The following CGGBP1 variants were observed in gnomAD, a reference collection of about 807,000 sequenced individuals.
CGGBP1 encodes the protein CGG triplet repeat-binding protein 1.
Under a neutral mutation model 11.4 loss-of-function variants are expected in CGGBP1, and 4 were observed. That is an observed-to-expected ratio of 0.35 (90% CI 0.17 to 0.80). The LOEUF (loss-of-function observed/expected upper bound fraction) is 0.80. CGGBP1 is among the 30% of genes least tolerant of loss of function. The probability of loss-of-function intolerance (pLI) is 0.52; values close to 1 mark genes in which losing one functional copy is unlikely to be tolerated. For synonymous variants in CGGBP1, 76 were observed against 74.1 expected (o/e 1.03, Z -0.13); for missense variants, 135 against 202.1 (o/e 0.67, Z 2.01).
chr3:88,074,273 C>G (rs555982832), intron 2 of CGGBP1, among the ~76,000 whole-genome samples: 12 of 151,732 alleles, frequency 7.9e-5, no homozygotes, highest in Admixed American at 6.6e-4. Flanking sequence ...TTTTCTTCCT[C>G]TGATTGGGAG....
At chr3:88,130,067 ATTAAAT>A (rs2107838529) in intron 2 of CGGBP1, among the ~76,000 whole-genome samples, 1 of 152,338 alleles carries the variant, frequency 6.6e-6, no homozygotes, top group South Asian at 2.1e-4. Context: ...GTGGTTTGAA[ATTAAAT>A]TTTAATTTGG....
At chr3:88,089,352 G>A (rs1326379701) in intron 2 of CGGBP1, among the ~76,000 whole-genome samples, 5 of 151,742 alleles carry the variant, frequency 3.3e-5, no homozygotes, top group African/African-American at 7.3e-5. Context: ...TTAGCCAGGC[G>A]TGGTGGCAAG....
chr3:88,065,911 T>C (rs1256292302), intron 2 of CGGBP1, among the ~76,000 whole-genome samples: 1 of 152,066 alleles, frequency 6.6e-6, no homozygotes, highest in Non-Finnish European at 1.5e-5. Flanking sequence ...ATTTTTGTAG[T>C]TTTAGTAGAG....
chr3:88,139,674 C>A lies in CGGBP1; in HGVS notation c.-229+1296G>T, dbSNP rs966806392. 11 of 1,605,244 alleles carry A rather than the reference C, an allele frequency of 6.9e-6. No individual in the cohort carries two copies. The highest frequency in any genetic ancestry group is 1.7e-5 in the Admixed American group (1 of 58,298). On this transcript the variant is annotated intron_variant, in intron 2 of 3. Transcript: ENST00000462901. ...ATTCATTGAAATTCCCATAAGTGTA[C>A]CAGAAGATGTTATTGAAAATGTTAT...
intron 2 of CGGBP1, among the ~76,000 whole-genome samples, chr3:88,102,169 G>A (rs777496084): frequency 2.0e-5 from 3 of 152,050 alleles, no homozygotes; most frequent in Non-Finnish European, 4.4e-5. Flanking sequence ...AATGTGTTTT[G>A]TGTAGTTTTC....
intron 2 of CGGBP1, among the ~76,000 whole-genome samples, chr3:88,114,405 T>C (rs1327570291): frequency 3.3e-5 from 5 of 152,136 alleles, no homozygotes; most frequent in Non-Finnish European, 5.9e-5. Flanking sequence ...AACATAACAT[T>C]TGTGAAGGGA....
chr3:88,132,492 TTTG>T (rs1226151985), intron 2 of CGGBP1, among the ~76,000 whole-genome samples: 1 of 152,200 alleles, frequency 6.6e-6, no homozygotes, highest in African/African-American at 2.4e-5. Flanking sequence ...TCAGGATTTT[TTTG>T]TTGTTGGTTT....
chr3:88,101,347 G>A (rs1704412723), intron 2 of CGGBP1, among the ~76,000 whole-genome samples: 1 of 152,004 alleles, frequency 6.6e-6, no homozygotes, highest in Admixed American at 6.6e-5. Flanking sequence ...GCTATTTCTA[G>A]ACATTTCATA....
chr3:88,081,564 G>A (rs899705369), intron 2 of CGGBP1, among the ~76,000 whole-genome samples: 7 of 152,092 alleles, frequency 4.6e-5, no homozygotes, highest in African/African-American at 1.7e-4. Context: ...GTATCAGTAT[G>A]GACTTACATA....
At chr3:88,084,029 C>G (rs188756218) in intron 2 of CGGBP1, among the ~76,000 whole-genome samples, 1 of 151,714 alleles carries the variant, frequency 6.6e-6, no homozygotes, top group Admixed American at 6.6e-5. Flanking sequence ...GTGCCTGACA[C>G]GACATTAAAC....
At chr3:88,096,089 G>C (rs998636213) in intron 2 of CGGBP1, 1 of 160,494 alleles carries the variant, frequency 6.2e-6, no homozygotes, top group African/African-American at 2.4e-5. Context: ...TTGGCAGACT[G>C]ACCTTCATTT....
rs114430270 is a variant in CGGBP1, at chr3:88,072,222, A to G, written c.-228-13999T>C. On this transcript the variant is annotated intron_variant, in intron 2 of 3. Transcript: ENST00000462901. ...TATCTAACTATTATTTCTGTCTATT[A>G]TGACCCTGATCCAAACTATAGGTAT... 7.6e-3 allele frequency among the ~76,000 whole-genome samples: 1,161 copies of G among 152,296 alleles called. 10 individuals carry two copies. Among genetic ancestry groups the G allele is most frequent in the Middle Eastern group, 0.034 (10 of 294 alleles).
chr3:88,107,752 A>G (rs1704833580), intron 2 of CGGBP1, among the ~76,000 whole-genome samples: 1 of 152,124 alleles, frequency 6.6e-6, no homozygotes, highest in African/African-American at 2.4e-5. Flanking sequence ...CTAATCATCC[A>G]TAAGATCTGC....
intron 2 of CGGBP1, among the ~76,000 whole-genome samples, chr3:88,078,308 T>G (rs572408772): frequency 6.6e-6 from 1 of 152,326 alleles, no homozygotes; most frequent in Admixed American, 6.5e-5. Flanking sequence ...CTTCATTTTA[T>G]TTTTGGAACT....
intron 1 of CGGBP1, chr3:88,141,696 A>C (rs1490429208): frequency 1.4e-6 from 2 of 1,446,112 alleles, no homozygotes; most frequent in Non-Finnish European, 1.9e-6. Flanking sequence ...AGTAGTGTGA[A>C]AAAAGCACTA....
At chr3:88,096,063 C>G (rs73844869) in intron 2 of CGGBP1, 1 of 180,988 alleles carries the variant, frequency 5.5e-6, no homozygotes, top group Non-Finnish European at 1.1e-5. Flanking sequence ...GTGGCCTCCC[C>G]TCCTGGGTCT....
At chr3:88,069,536 A>T (rs921335939) in intron 2 of CGGBP1, among the ~76,000 whole-genome samples, 3 of 152,238 alleles carry the variant, frequency 2.0e-5, no homozygotes, top group Non-Finnish European at 4.4e-5. Flanking sequence ...CATAGCACTT[A>T]TCGAAGTTAT....
chr3:88,092,031 G>T (rs1703771593), intron 2 of CGGBP1, among the ~76,000 whole-genome samples: 3 of 152,156 alleles, frequency 2.0e-5, no homozygotes, highest in African/African-American at 7.2e-5. Context: ...TAAGGCAAAA[G>T]AAATATGTTA....
chr3:88,125,426 A>T (rs1186990240), intron 2 of CGGBP1, among the ~76,000 whole-genome samples: 1 of 152,192 alleles, frequency 6.6e-6, no homozygotes. Context: ...AAACATTTCA[A>T]ATATCTTTTT....
Sources: allele counts gnomAD v4.1 joint callset (sites outside exome capture counted in the v4.1 genomes callset), GRCh38; gene constraint gnomAD v4.1.1; transcripts MANE v1.5; gene names NCBI Gene and HGNC (gene_info 2026-07-23, HGNC 2026-07-21).